Variants in CYB5R3 observed in about 807,000 individuals in gnomAD.
CYB5R3 encodes the protein cytochrome b5 reductase 3, also known as NADH-cytochrome b5 reductase 3.
Under a neutral mutation model 36.5 loss-of-function variants are expected in CYB5R3, and 28 were observed. That is an observed-to-expected ratio of 0.77 (90% CI 0.57 to 1.05). The LOEUF is 1.05. Ranked by LOEUF, CYB5R3 falls within the 50% of genes least tolerant of loss-of-function variation. The pLI is 0.00. For synonymous variants in CYB5R3, 181 were observed against 159.8 expected, an observed-to-expected ratio of 1.13 and a Z score of -1.00; for missense variants, 474 against 408.9, an observed-to-expected ratio of 1.16 and a Z score of -1.37.
At position 42,636,823 on chromosome 22, in the gene CYB5R3, T is replaced by C. The variant is rs111649710; in HGVS notation, c.45A>G (p.Pro15=). The C allele has an allele frequency of 7.0e-4, 1,123 of 1,613,834 alleles. 7 individuals are homozygous for C. The African/African-American group carries it at 0.011, about 16-fold the overall frequency. ...LSTLGHMVLF[P]VWFLYSLLMK... Reference sequence around the variant, plus strand: ...TGAGCAGACTGTACAGGAACCAGACTGGGAAGAGCACCATATGGCCCAACT... The same window carrying C: ...TGAGCAGACTGTACAGGAACCAGACCGGGAAGAGCACCATATGGCCCAACT... The change falls in exon 2 of 9, where the codon CCA becomes CCG. Residue 15 remains proline, a synonymous_variant. Transcript: ENST00000352397.
chr22:42,627,904 C>A (rs1371339385), intron 5 of CYB5R3, among the ~76,000 whole-genome samples: 1 of 152,144 alleles, frequency 6.6e-6, no homozygotes, highest in African/African-American at 2.4e-5. Context: ...GTTTCAGATG[C>A]TGAGAAAGCC....
chr22:42,639,340 G>T (rs376882494), intron 1 of CYB5R3, among the ~76,000 whole-genome samples: 3 of 146,582 alleles, frequency 2.0e-5, no homozygotes, highest in Non-Finnish European at 3.0e-5. Context: ...AAAAAAAGTG[G>T]GGGGGGACCG....
At chr22:42,644,274 C>A in intron 1 of CYB5R3, 1 of 644,624 alleles carries the variant, frequency 1.6e-6, no homozygotes, top group Non-Finnish European at 2.8e-6. Context: ...TGAGCACCTG[C>A]CCCCAGCCCC....
intron 1 of CYB5R3, chr22:42,639,929 TAAATC>T (rs1929147864): frequency 6.4e-7 from 1 of 1,572,326 alleles, no homozygotes; most frequent in African/African-American, 1.4e-5. Flanking sequence ...ACTCAAATAA[TAAATC>T]AAATATAATC....
At chr22:42,621,577 T>C (rs1927972659) in intron 8 of CYB5R3, among the ~76,000 whole-genome samples, 1 of 152,234 alleles carries the variant, frequency 6.6e-6, no homozygotes, top group South Asian at 2.1e-4. Context: ...TCAACTAATC[T>C]TGAATTGTGG....
At chr22:42,620,038 TGA>T in intron 8 of CYB5R3, 93 bp from the exon 9 acceptor site, 1 of 1,233,996 alleles carries the variant, frequency 8.1e-7, no homozygotes, top group South Asian at 1.3e-5. Flanking sequence ...CCTTAAATGC[TGA>T]AGAATGGAGA....
At position 42,628,217 on chromosome 22, in the gene CYB5R3, C is replaced by T. The variant is rs776884673; in HGVS notation, c.398G>A (p.Ser133Asn). 33 of 1,614,172 alleles carry T rather than the reference C, an allele frequency of 2.0e-5. No individual in the cohort carries two copies. Among genetic ancestry groups the T allele is most frequent in the Non-Finnish European group, 2.5e-5 (30 of 1,180,012 alleles). Residue 133 changes from serine (S) to asparagine (N), a missense_variant, in exon 5 of 9, where the codon AGC (serine) becomes AAC (asparagine). By Grantham distance (46) the Ser-to-Asn change is conservative. Transcript: ENST00000352397. ...CTCAATGGTGTCTCCAATCTGCATG[C>T]TCTCCAGGTACTGAGACATCTTCCC... ...AGGKMSQYLE[S>N]MQIGDTIEFR... is the part of the protein sequence containing the mutation.
At chr22:42,624,360 T>C (rs984463054) in intron 7 of CYB5R3, among the ~76,000 whole-genome samples, 7 of 152,126 alleles carry the variant, frequency 4.6e-5, no homozygotes, top group Non-Finnish European at 8.8e-5. Context: ...CGTTCTGGGA[T>C]CTCATTCAGG....
intron 1 of CYB5R3, among the ~76,000 whole-genome samples, chr22:42,648,775 G>A (rs1929639157): frequency 1.3e-5 from 2 of 152,184 alleles, no homozygotes; most frequent in Admixed American, 6.5e-5. Context: ...CTCTGACATA[G>A]TGACATCGCA....
At chr22:42,644,710 T>G in intron 1 of CYB5R3, 1 of 964,974 alleles carries the variant, frequency 1.0e-6, no homozygotes, top group Non-Finnish European at 1.2e-6. Context: ...AGGGAAAAAG[T>G]TGGCCGAAGT....
intron 6 of CYB5R3, 31 bp from the exon 7 acceptor site, chr22:42,627,420 G>A (rs1407265566): frequency 1.9e-6 from 3 of 1,600,768 alleles, no homozygotes; most frequent in East Asian, 2.2e-5. Flanking sequence ...CCTCGCACGT[G>A]CTGAGCGAGG....
intron 1 of CYB5R3, chr22:42,646,614 G>C: frequency 4.9e-5 from 48 of 982,856 alleles, no homozygotes; most frequent in Non-Finnish European, 5.8e-5. Flanking sequence ...CTGGAGCTTA[G>C]ACAAGCCAGT....
At chr22:42,640,199 G>C in intron 1 of CYB5R3, 1 of 1,607,292 alleles carries the variant, frequency 6.2e-7, no homozygotes, top group Non-Finnish European at 8.5e-7. Flanking sequence ...GCGGCCAATC[G>C]AGGCTTCAAG....
chr22:42,638,866 C>T, intron 1 of CYB5R3, among the ~76,000 whole-genome samples: 1 of 150,316 alleles, frequency 6.7e-6, no homozygotes. Flanking sequence ...AACCCAGTTT[C>T]TACTAAAAAT....
chr22:42,644,579 A>G (rs2146911930), intron 1 of CYB5R3: 2 of 1,524,508 alleles, frequency 1.3e-6, no homozygotes, highest in African/African-American at 1.4e-5. Flanking sequence ...GGCCCTTGGT[A>G]GACTTTTCAC....
chr22:42,634,231 G>A (rs1479565471), intron 2 of CYB5R3, among the ~76,000 whole-genome samples: 1 of 150,958 alleles, frequency 6.6e-6, no homozygotes, highest in Non-Finnish European at 1.5e-5. Flanking sequence ...CGTGGTGGTG[G>A]GCACCTGTAA....
At chr22:42,647,008 C>A (rs1003102355) in intron 1 of CYB5R3, 2 of 980,014 alleles carry the variant, frequency 2.0e-6, no homozygotes, top group Non-Finnish European at 2.4e-6. Flanking sequence ...CCAGGGCCAA[C>A]CCCTGGCCTG....
chr22:42,648,783 G>GCA (rs370624034), intron 1 of CYB5R3, among the ~76,000 whole-genome samples: 14 of 151,762 alleles, frequency 9.2e-5, no homozygotes, highest in Middle Eastern at 3.4e-3. Context: ...TAGTGACATC[G>GCA]CACACACACA....
chr22:42,649,109 G>A (rs1364432176), intron 1 of CYB5R3, among the ~76,000 whole-genome samples, 186 bp downstream of exon 1: 1 of 152,126 alleles, frequency 6.6e-6, no homozygotes, highest in Non-Finnish European at 1.5e-5. Context: ...GTAAGTAGCG[G>A]TCACCACGTA....
Sources: allele counts gnomAD v4.1 joint callset (sites outside exome capture counted in the v4.1 genomes callset), GRCh38; gene constraint gnomAD v4.1.1; transcripts MANE v1.5; gene names NCBI Gene and HGNC (gene_info 2026-07-23, HGNC 2026-07-21).